Variants in NAALADL2 observed in about 807,000 individuals in gnomAD.
NAALADL2 encodes inactive N-acetylated-alpha-linked acidic dipeptidase-like protein 2.
A neutral mutation model predicts 87.2 loss-of-function variants in NAALADL2; 76 were observed. The observed-to-expected ratio is 0.87, with a 90% CI of 0.72 to 1.05. The LOEUF (loss-of-function observed/expected upper bound fraction) is 1.05. NAALADL2 is among the 50% of genes least tolerant of loss of function. The pLI, the probability that NAALADL2 is intolerant of heterozygous loss-of-function variation, is 0.00. For synonymous variants in NAALADL2, 354 were observed against 331.0 expected (o/e 1.07, Z -0.75); for missense variants, 1,089 against 945.8 (o/e 1.15, Z -1.99).
chr3:175,787,581 G>T (rs1003708736), intron 13 of NAALADL2, among the ~76,000 whole-genome samples: 1 of 152,152 alleles, frequency 6.6e-6, no homozygotes, highest in Non-Finnish European at 1.5e-5. Flanking sequence ...CGCGCACGGT[G>T]CGCGCACCCA....
At chr3:175,597,024 G>T (rs1335427610) in intron 10 of NAALADL2, among the ~76,000 whole-genome samples, 1 of 151,938 alleles carries the variant, frequency 6.6e-6, no homozygotes, top group Admixed American at 6.6e-5. Context: ...AGGGTTTAGG[G>T]TTTTGACAGT....
intron 3 of NAALADL2, among the ~76,000 whole-genome samples, chr3:175,240,219 C>T (rs58525093): frequency 0.024 from 3,592 of 152,220 alleles, 142 homozygotes; most frequent in African/African-American, 0.082. Flanking sequence ...GAATGCAGAA[C>T]GATTAATCAT....
At chr3:175,553,490 T>C (rs1714764292) in intron 9 of NAALADL2, among the ~76,000 whole-genome samples, 1 of 152,188 alleles carries the variant, frequency 6.6e-6, no homozygotes, top group African/African-American at 2.4e-5. Context: ...ATATCCCACA[T>C]GACTCTTGTT....
intron 3 of NAALADL2, among the ~76,000 whole-genome samples, chr3:174,774,317 A>G (rs1344138483): frequency 1.3e-5 from 2 of 152,068 alleles, no homozygotes; most frequent in Non-Finnish European, 2.9e-5. Flanking sequence ...CTCTTTCTCT[A>G]CTTCTTAGGT....
intron 1 of NAALADL2, among the ~76,000 whole-genome samples, chr3:175,080,157 G>A (rs1022125961): frequency 6.6e-6 from 1 of 152,034 alleles, no homozygotes; most frequent in Non-Finnish European, 1.5e-5. Flanking sequence ...AGTAGAGGCG[G>A]GTTTTCACCG....
At chr3:175,044,086 G>C (rs1395121451) in intron 1 of NAALADL2, among the ~76,000 whole-genome samples, 1 of 151,870 alleles carries the variant, frequency 6.6e-6, no homozygotes, top group African/African-American at 2.4e-5. Context: ...ATACCTGTTT[G>C]GTTAAAATTA....
At chr3:174,642,226 C>CATT (rs1723272128) in intron 2 of NAALADL2, among the ~76,000 whole-genome samples, 4 of 151,844 alleles carry the variant, frequency 2.6e-5, no homozygotes, top group Admixed American at 2.0e-4. Context: ...GTTTTCCGGG[C>CATT]ACAGTGGCTC....
chr3:175,599,181 G>C (rs1242887854), intron 10 of NAALADL2, among the ~76,000 whole-genome samples: 9 of 152,064 alleles, frequency 5.9e-5, no homozygotes, highest in African/African-American at 2.4e-5. Context: ...TATAGGTACT[G>C]TAGGATAACA....
At chr3:175,581,809 T>G (rs573935773) in intron 10 of NAALADL2, among the ~76,000 whole-genome samples, 1 of 152,190 alleles carries the variant, frequency 6.6e-6, no homozygotes, top group Non-Finnish European at 1.5e-5. Context: ...GGAATGCTTA[T>G]TTGAGGAAAT....
At chr3:175,260,426 A>G (rs191357497) in intron 4 of NAALADL2, among the ~76,000 whole-genome samples, 1 of 152,210 alleles carries the variant, frequency 6.6e-6, no homozygotes, top group African/African-American at 2.4e-5. Context: ...ATTTGGGGGA[A>G]CTCATTGCTG....
intron 2 of NAALADL2, among the ~76,000 whole-genome samples, chr3:174,552,421 C>T (rs1712233083): frequency 6.6e-6 from 1 of 152,062 alleles, no homozygotes; most frequent in Admixed American, 6.6e-5. Flanking sequence ...TAATGACAAA[C>T]ATATCTATTT....
chr3:175,395,729 C>T (rs1252138472), intron 5 of NAALADL2, among the ~76,000 whole-genome samples: 1 of 152,158 alleles, frequency 6.6e-6, no homozygotes, highest in African/African-American at 2.4e-5. Flanking sequence ...TTTGCATACT[C>T]ATGATAATAA....
At chr3:175,260,499 G>A (rs973543875) in intron 4 of NAALADL2, among the ~76,000 whole-genome samples, 2 of 152,142 alleles carry the variant, frequency 1.3e-5, no homozygotes, top group African/African-American at 2.4e-5. Context: ...ACATAGTTAT[G>A]CAGCATGATT....
At chr3:174,593,989 T>C (rs1422075542) in intron 2 of NAALADL2, among the ~76,000 whole-genome samples, 1 of 152,132 alleles carries the variant, frequency 6.6e-6, no homozygotes, top group Admixed American at 6.5e-5. Flanking sequence ...GTTTACTGAG[T>C]TTTTGATTTT....
In NAALADL2 at chr3:175,343,151, T is replaced by C. The variant is rs1042066930; in HGVS notation, c.1090+18826T>C. The stretch of plus-strand genomic sequence containing the variant: ...CTTTGGGAAGTATAGAATTTTTCTA[T>C]TGTGCACATTAAAAAAATGAAATTA... On this transcript the variant is annotated intron_variant, in intron 5 of 13. Coordinates refer to ENST00000454872, the MANE Select transcript of NAALADL2 (RefSeq NM_207015.3). Among the ~76,000 whole-genome samples, 3 of 152,086 alleles carry C rather than the reference T, an allele frequency of 2.0e-5. 1 individual carries two copies.
intron 1 of NAALADL2, among the ~76,000 whole-genome samples, chr3:174,500,580 A>G (rs1364450456): frequency 6.6e-6 from 1 of 152,188 alleles, no homozygotes; most frequent in Non-Finnish European, 1.5e-5. Flanking sequence ...ATGATGTTAA[A>G]TGGACATTGT....
intron 2 of NAALADL2, among the ~76,000 whole-genome samples, chr3:174,653,603 T>C (rs1187766893): frequency 6.6e-6 from 1 of 152,100 alleles, no homozygotes; most frequent in Non-Finnish European, 1.5e-5. Context: ...TTTGTAGTGG[T>C]AGTGCAAGGT....
intron 1 of NAALADL2, among the ~76,000 whole-genome samples, chr3:174,966,371 C>T (rs1742873548): frequency 6.6e-6 from 1 of 151,988 alleles, no homozygotes; most frequent in African/African-American, 2.4e-5. Context: ...AATGGTTATT[C>T]TGGAGGTTGT....
At chr3:174,547,052 C>T (rs1722820506) in intron 1 of NAALADL2, among the ~76,000 whole-genome samples, 1 of 152,024 alleles carries the variant, frequency 6.6e-6, no homozygotes, top group Admixed American at 6.6e-5. Flanking sequence ...AAGAGTAAGG[C>T]ATTATATTAT....
Sources: allele counts gnomAD v4.1 joint callset (sites outside exome capture counted in the v4.1 genomes callset), GRCh38; gene constraint gnomAD v4.1.1; transcripts MANE v1.5; gene names NCBI Gene and HGNC (gene_info 2026-07-23, HGNC 2026-07-21).